The following THSD7B variants were observed in gnomAD, a reference collection of about 807,000 sequenced individuals.
The protein encoded by THSD7B is thrombospondin type 1 domain containing 7B, also known as thrombospondin type-1 domain-containing protein 7B.
A neutral mutation model predicts 213.6 loss-of-function variants in THSD7B; 138 were observed. That is an observed-to-expected ratio of 0.65 (90% CI 0.56 to 0.74). The LOEUF (loss-of-function observed/expected upper bound fraction) is 0.74. Among genes scored for constraint, THSD7B ranks in the 30% least tolerant of loss-of-function variants. The pLI is 0.00. For synonymous variants in THSD7B, 742 were observed against 687.0 expected (o/e 1.08, Z -1.25); for missense variants, 1,931 against 1,991.5 (o/e 0.97, Z 0.58).
At chr2:137,501,881 G>A (rs1244594131) in intron 15 of THSD7B, among the ~76,000 whole-genome samples, 1 of 152,210 alleles carries the variant, frequency 6.6e-6, no homozygotes, top group Non-Finnish European at 1.5e-5. Context: ...CCCAGTGAAC[G>A]ATGTTGAGCT....
At chr2:137,337,024 T>A (rs1684653433) in intron 12 of THSD7B, among the ~76,000 whole-genome samples, 2 of 151,696 alleles carry the variant, frequency 1.3e-5, no homozygotes, top group Admixed American at 1.3e-4. Context: ...GTTGTTAACA[T>A]CTTATGTGAG....
chr2:137,590,319 T>C (rs757696421), intron 17 of THSD7B, among the ~76,000 whole-genome samples: 1 of 152,188 alleles, frequency 6.6e-6, no homozygotes, highest in Non-Finnish European at 1.5e-5. Context: ...TGATGGTCAT[T>C]TTATGAGCTA....
intron 7 of THSD7B, among the ~76,000 whole-genome samples, chr2:137,214,981 G>T (rs902302637): frequency 6.6e-6 from 1 of 152,020 alleles, no homozygotes; most frequent in African/African-American, 2.4e-5. Flanking sequence ...TGGTATTTCT[G>T]GTTCTAGATC....
chr2:137,058,968 T>G (rs1687220937), intron 3 of THSD7B, among the ~76,000 whole-genome samples: 2 of 152,200 alleles, frequency 1.3e-5, no homozygotes, highest in Admixed American at 1.3e-4. Flanking sequence ...GGTACTTTGT[T>G]ATAGCAGCTT....
At position 137,204,710 on chromosome 2, in the gene THSD7B, G is replaced by A. The variant is rs116145096; in HGVS notation, c.1724-26334G>A. 3.5e-3 allele frequency among the ~76,000 whole-genome samples: 529 copies of A among 152,058 alleles called. 4 individuals carry two copies. The highest frequency in any genetic ancestry group is 0.012 in the African/African-American group (504 of 41,514). On this transcript the variant is annotated intron_variant, in intron 7 of 27. Transcript: ENST00000409968. ...ATAAGTGGCTTTGTGCTGGCTTATT[G>A]CCTACATGAAATGCATCAGTAAATC...
rs1682848784 is a variant in THSD7B at position 136,836,703 on chromosome 2, A to G, written c.-35-45441A>G. Among the ~76,000 whole-genome samples the G allele has an allele frequency of 2.0e-5, 3 of 152,188 alleles. No individual in the cohort carries two copies. In the South Asian group the frequency reaches 6.2e-4, roughly 31 times the overall value. On this transcript the variant is annotated intron_variant, in intron 1 of 27. Coordinates refer to ENST00000409968, the MANE Select transcript of THSD7B (RefSeq NM_001316349.2). ...AGTCCTATGGCTGTAAATGCCATCT[A>G]CATGCTAAAGATGTTTATATTTTTC...
chr2:137,461,506 C>T (rs1384570159), intron 15 of THSD7B, among the ~76,000 whole-genome samples: 3 of 152,062 alleles, frequency 2.0e-5, no homozygotes, highest in Non-Finnish European at 4.4e-5. Context: ...TACACGAGCA[C>T]TACCTTCCCA....
At chr2:136,884,556 A>C (rs2059977) in intron 2 of THSD7B, among the ~76,000 whole-genome samples, 151,265 of 152,270 alleles carry the variant, frequency 0.99, 75,142 homozygotes, top group East Asian at 1. Flanking sequence ...TCAGGTAAAC[A>C]TCTTGAGCAG....
At chr2:137,515,046 C>G (rs943260483) in intron 15 of THSD7B, among the ~76,000 whole-genome samples, 3 of 152,126 alleles carry the variant, frequency 2.0e-5, no homozygotes, top group Non-Finnish European at 4.4e-5. Context: ...TTTTGGAACA[C>G]CAGACACAAC....
chr2:137,628,256 T>G (rs1682670755), intron 20 of THSD7B, among the ~76,000 whole-genome samples: 1 of 152,120 alleles, frequency 6.6e-6, no homozygotes, highest in Non-Finnish European at 1.5e-5. Flanking sequence ...TTATATCTCA[T>G]CCTTTTACTC....
chr2:137,331,013 G>A (rs921297921), intron 12 of THSD7B, among the ~76,000 whole-genome samples: 1 of 152,196 alleles, frequency 6.6e-6, no homozygotes, highest in African/African-American at 2.4e-5. Flanking sequence ...CCCCACCAGA[G>A]CAGCTAGATA....
At chr2:137,170,322 A>G (rs1184262323) in intron 6 of THSD7B, among the ~76,000 whole-genome samples, 1 of 152,178 alleles carries the variant, frequency 6.6e-6, no homozygotes, top group Non-Finnish European at 1.5e-5. Flanking sequence ...CGCCATGGAG[A>G]TGCCAGAGAG....
intron 12 of THSD7B, among the ~76,000 whole-genome samples, chr2:137,290,325 G>A (rs1683296783): frequency 6.6e-6 from 1 of 151,994 alleles, no homozygotes; most frequent in Non-Finnish European, 1.5e-5. Context: ...TCCTGACCTC[G>A]TGATCTGTCC....
At chr2:136,992,100 T>C (rs1685797170) in intron 2 of THSD7B, among the ~76,000 whole-genome samples, 1 of 152,222 alleles carries the variant, frequency 6.6e-6, no homozygotes, top group African/African-American at 2.4e-5. Context: ...ATAATTTTAT[T>C]CCAGACTTGG....
At chr2:137,185,334 A>T (rs71419525) in intron 7 of THSD7B, among the ~76,000 whole-genome samples, 10,496 of 151,550 alleles carry the variant, frequency 0.069, 391 homozygotes, top group African/African-American at 0.094. Flanking sequence ...ATGTTTGGGG[A>T]ACGATTGAAT....
chr2:136,999,465 G>GTT (rs199846048), intron 2 of THSD7B, among the ~76,000 whole-genome samples: 2 of 135,646 alleles, frequency 1.5e-5, no homozygotes, highest in East Asian at 2.3e-4. Flanking sequence ...TAGGTATCTT[G>GTT]TTTTTTTTTT....
intron 2 of THSD7B, among the ~76,000 whole-genome samples, chr2:137,019,405 G>C (rs770882882): frequency 4.6e-5 from 7 of 152,176 alleles, no homozygotes. Flanking sequence ...TTTTGTGGCT[G>C]TCAGTTACCA....
intron 13 of THSD7B, among the ~76,000 whole-genome samples, chr2:137,407,233 A>C (rs569251002): frequency 1.6e-4 from 24 of 152,224 alleles, no homozygotes; most frequent in African/African-American, 5.5e-4. Flanking sequence ...CTTTTATTGA[A>C]AATGTTCCTT....
intron 15 of THSD7B, among the ~76,000 whole-genome samples, chr2:137,550,800 A>G (rs1259362392): frequency 6.6e-6 from 1 of 152,042 alleles, no homozygotes; most frequent in African/African-American, 2.4e-5. Flanking sequence ...TCATGTTTAT[A>G]AGATCATCAG....
Sources: allele counts gnomAD v4.1 joint callset (sites outside exome capture counted in the v4.1 genomes callset), GRCh38; gene constraint gnomAD v4.1.1; transcripts MANE v1.5; gene names NCBI Gene and HGNC (gene_info 2026-07-23, HGNC 2026-07-21).